Variants in CCDC33 observed in about 807,000 individuals in gnomAD.
CCDC33 encodes coiled-coil domain-containing protein 33.
In CCDC33, 94 loss-of-function variants were observed where a neutral mutation model predicts 91.9. That is an observed-to-expected ratio of 1.02 (90% confidence interval 0.87 to 1.21). CCDC33 has a LOEUF of 1.21. CCDC33 is among the 50% of genes most tolerant of loss of function. CCDC33 has a pLI of 0.00. For missense variants in CCDC33, 940 were observed against 935.5 expected (o/e 1.00, Z -0.06); for synonymous variants, 396 against 374.5 (o/e 1.06, Z -0.66).
intron 11 of CCDC33, chr15:74,302,336 C>G (rs1371365260): frequency 1.3e-5 from 2 of 152,262 alleles, no homozygotes; most frequent in Non-Finnish European, 2.9e-5. Context: ...GTGGCCTCTC[C>G]CAAGTCCCAG....
At chr15:74,223,712 C>T (rs2074680355) in intron 2 of CCDC33, among the ~76,000 whole-genome samples, 2 of 106,740 alleles carry the variant, frequency 1.9e-5, no homozygotes, top group Admixed American at 8.7e-5. Context: ...AGGCTGTGCC[C>T]ACCGCCAGCA....
chr15:74,222,581 A>ATTGGGG (rs1467084447), intron 2 of CCDC33, among the ~76,000 whole-genome samples: 2 of 148,352 alleles, frequency 1.3e-5, no homozygotes, highest in Non-Finnish European at 3.0e-5. Context: ...TTTTCCCCCA[A>ATTGGGG]GGGGAAAAAA....
At chr15:74,250,918 C>T (rs1244464967) in intron 2 of CCDC33, among the ~76,000 whole-genome samples, 1 of 152,174 alleles carries the variant, frequency 6.6e-6, no homozygotes, top group African/African-American at 2.4e-5. Flanking sequence ...TAAAGCTCTA[C>T]AGGGGGAAGG....
upstream of CCDC33, chr15:74,213,159 T>C (rs532326819): frequency 2.6e-5 from 4 of 151,422 alleles, no homozygotes; most frequent in East Asian, 7.7e-4. Flanking sequence ...GAGGTTACAG[T>C]GAGCCGAGAA....
chr15:74,325,675 T>C (rs1447454540), intron 11 of CCDC33, among the ~76,000 whole-genome samples: 2 of 152,178 alleles, frequency 1.3e-5, no homozygotes, highest in Non-Finnish European at 2.9e-5. Flanking sequence ...GGAACACTAC[T>C]TCCAATCTCA....
At chr15:74,284,397 G>A (rs351213) in intron 10 of CCDC33, among the ~76,000 whole-genome samples, 13,132 of 152,154 alleles carry the variant, frequency 0.086, 1,598 homozygotes, top group African/African-American at 0.28. Context: ...GCAGGAAAGT[G>A]TTGAGAATTC....
intron 11 of CCDC33, among the ~76,000 whole-genome samples, chr15:74,327,836 T>C (rs2060341346): frequency 1.3e-5 from 2 of 152,270 alleles, no homozygotes; most frequent in South Asian, 4.1e-4. Flanking sequence ...CAGGATCGTA[T>C]TAATTTGCCA....
intron 10 of CCDC33, among the ~76,000 whole-genome samples, chr15:74,294,746 C>A (rs1196416910): frequency 1.3e-3 from 171 of 127,204 alleles, no homozygotes; most frequent in African/African-American, 1.7e-3. Context: ...GACTCTGTCT[C>A]AAAAAAAAAA....
intron 16 of CCDC33, 22 bp downstream of exon 16, chr15:74,332,867 C>A: frequency 6.2e-7 from 1 of 1,607,138 alleles, no homozygotes. Flanking sequence ...TTGACCTGGG[C>A]CTGCCTATGC....
intron 4 of CCDC33, 50 bp from the exon 5 acceptor site, chr15:74,268,292 C>A (rs1024595204): frequency 7.4e-7 from 1 of 1,349,660 alleles, no homozygotes; most frequent in Non-Finnish European, 1.1e-6. Context: ...AGGATCTGCC[C>A]CTTAGACACT....
intron 1 of CCDC33, among the ~76,000 whole-genome samples, chr15:74,205,593 A>T (rs1287593050): frequency 3.3e-5 from 5 of 152,198 alleles, no homozygotes; most frequent in African/African-American, 4.8e-5. Context: ...CTGGGGTCAC[A>T]TTTCAACATG....
chr15:74,289,650 G>A (rs2059548219), intron 10 of CCDC33, among the ~76,000 whole-genome samples: 1 of 152,212 alleles, frequency 6.6e-6, no homozygotes, highest in African/African-American at 2.4e-5. Flanking sequence ...GGGAGGTTGA[G>A]GCTGCAATGA....
intron 1 of CCDC33, among the ~76,000 whole-genome samples, chr15:74,238,193 A>C (rs916285473): frequency 1.3e-5 from 2 of 150,472 alleles, no homozygotes; most frequent in Non-Finnish European, 3.0e-5. Flanking sequence ...TTGGGAGGCC[A>C]AGGCAGAAGT....
At chr15:74,319,246 A>T (rs941962528) in intron 11 of CCDC33, among the ~76,000 whole-genome samples, 7 of 152,200 alleles carry the variant, frequency 4.6e-5, no homozygotes, top group African/African-American at 1.7e-4. Context: ...CAGGGTGCAG[A>T]TGAGCAGGCA....
chr15:74,250,947 C>G (rs2075689342), intron 2 of CCDC33, among the ~76,000 whole-genome samples: 1 of 152,168 alleles, frequency 6.6e-6, no homozygotes, highest in Non-Finnish European at 1.5e-5. Flanking sequence ...TGAGCAGGCT[C>G]ACAGTGGGCA....
At chr15:74,289,575 A>G (rs2059546503) in intron 10 of CCDC33, among the ~76,000 whole-genome samples, 1 of 152,198 alleles carries the variant, frequency 6.6e-6, no homozygotes, top group African/African-American at 2.4e-5. Flanking sequence ...TTAGCCAGGC[A>G]TCGTGTTGTG....
chr15:74,223,758 ACACACACGCAAGCATG>A (rs1235545850), intron 2 of CCDC33, among the ~76,000 whole-genome samples: 2 of 102,450 alleles, frequency 2.0e-5, no homozygotes, highest in Non-Finnish European at 3.8e-5. Context: ...ACACACACAC[ACACACACGCAAGCATG>A]CACACACACA....
rs140756241 is a variant in CCDC33 at position 74,284,769 on chromosome 15, G to C, written c.1095+2920G>C. 9.3e-3 allele frequency among the ~76,000 whole-genome samples: 1,419 copies of C among 152,312 alleles called. 16 individuals carry two copies. Among genetic ancestry groups the C allele is most frequent in the African/African-American group, 0.032 (1,344 of 41,566 alleles). ...TGGACTCCTCATGGTAGCTGAGTACGGTGATGAGCTAAGCTGCTATAACAA... is the reference window on the plus strand; with the variant it reads ...TGGACTCCTCATGGTAGCTGAGTACCGTGATGAGCTAAGCTGCTATAACAA... On this transcript the variant is annotated intron_variant, in intron 10 of 18. Transcript: ENST00000398814.
chr15:74,280,645 C>T, intron 8 of CCDC33, 23 bp from the exon 9 acceptor site: 1 of 1,443,542 alleles, frequency 6.9e-7, no homozygotes, highest in South Asian at 1.6e-5. Flanking sequence ...TGGCAGGAGC[C>T]CTAGTTGATC....
Sources: gnomAD v4.1 joint callset for allele counts (sites outside exome capture counted in the v4.1 genomes callset) on GRCh38, gnomAD v4.1.1 for gene constraint, MANE v1.5 for transcripts, NCBI Gene and HGNC (gene_info 2026-07-23, HGNC 2026-07-21) for gene names.